EXTL3: variants seen among roughly 807,000 people sequenced by gnomAD.
EXTL3 encodes the protein exostosin like glycosyltransferase 3, also known as exostosin-like 3.
In EXTL3, 27 loss-of-function variants were observed where a neutral mutation model predicts 69.3. The ratio of observed to expected loss-of-function variants is 0.39; its 90% CI spans 0.29 to 0.54. The LOEUF (loss-of-function observed/expected upper bound fraction) is 0.54, where lower values mean the gene tolerates loss of function less well. Ranked by LOEUF, EXTL3 falls within the 20% of genes least tolerant of loss-of-function variation. The probability of loss-of-function intolerance (pLI) is 0.69; values close to 1 mark genes in which losing one functional copy is unlikely to be tolerated. For missense variants in EXTL3, 1,003 were observed against 1,231.8 expected, an observed-to-expected ratio of 0.81 and a Z score of 2.78; for synonymous variants, 511 against 499.4, an observed-to-expected ratio of 1.02 and a Z score of -0.31.
At chr8:28,637,618 C>G (rs1282253275) in intron 1 of EXTL3, among the ~76,000 whole-genome samples, 1 of 150,918 alleles carries the variant, frequency 6.6e-6, no homozygotes, top group East Asian at 2.0e-4. Flanking sequence ...GGCAACATAG[C>G]AAGACCCCAT....
chr8:28,697,101 G>A (rs752265402), upstream of EXTL3: 9 of 152,124 alleles, frequency 5.9e-5, no homozygotes, highest in Non-Finnish European at 1.0e-4. Context: ...TTCTTTTTAT[G>A]TGGTAACTTT....
At chr8:28,700,764 G>A (rs1800768673), upstream of EXTL3, 1 of 152,286 alleles carries the variant, frequency 6.6e-6, no homozygotes, top group Non-Finnish European at 1.5e-5. Context: ...GACCAGGTAG[G>A]GTGCTTGCTC....
rs1016009755 is a variant in EXTL3, at chr8:28,752,662, C to G, written c.*1796C>G. On this transcript the variant is annotated 3_prime_UTR_variant, in exon 7 of 7. Coordinates refer to ENST00000220562, the MANE Select transcript of EXTL3 (RefSeq NM_001440.4). ...CCCCGCCCCCAACCCCAGCATCAGC[C>G]TGTAGCTCCCCTGCTGAGGCAGTGT... 1 of 152,824 alleles carries G rather than the reference C, an allele frequency of 6.5e-6. No individual in the cohort carries two copies. The highest frequency in any genetic ancestry group is 6.5e-5 in the Admixed American group (1 of 15,290). 9.5% of individuals were successfully genotyped at this position (152,824 alleles called of 1,614,324 possible).
intron 3 of EXTL3, among the ~76,000 whole-genome samples, chr8:28,720,829 C>G (rs1468723621): frequency 1.3e-5 from 2 of 152,162 alleles, no homozygotes; most frequent in Non-Finnish European, 2.9e-5. Context: ...TGGATCAGGT[C>G]CCTTAGCTCC....
At chr8:28,738,811 T>C (rs1332508550) in intron 5 of EXTL3, among the ~76,000 whole-genome samples, 4 of 152,236 alleles carry the variant, frequency 2.6e-5, no homozygotes, top group Non-Finnish European at 4.4e-5. Context: ...TAAAGTCTCA[T>C]TTGCAGCTCC....
intron 2 of EXTL3, among the ~76,000 whole-genome samples, chr8:28,613,160 G>GT (rs922986059): frequency 2.7e-4 from 41 of 151,940 alleles, no homozygotes; most frequent in African/African-American, 8.9e-4. Context: ...GGATTATGCT[G>GT]TTTTTTTGGT....
chr8:28,667,012 G>A (rs1007995080), intron 1 of EXTL3, among the ~76,000 whole-genome samples: 1 of 152,214 alleles, frequency 6.6e-6, no homozygotes, highest in South Asian at 2.1e-4. Context: ...ACTTGAAGGT[G>A]TGGGAGCTTC....
At chr8:28,650,435 G>T (rs898682233) in intron 1 of EXTL3, among the ~76,000 whole-genome samples, 12 of 151,878 alleles carry the variant, frequency 7.9e-5, no homozygotes, top group Admixed American at 7.9e-4. Context: ...TCAGCTCACT[G>T]CAACCTCTGC....
At chr8:28,732,109 C>T (rs1425834550) in intron 4 of EXTL3, among the ~76,000 whole-genome samples, 1 of 152,122 alleles carries the variant, frequency 6.6e-6, no homozygotes, top group African/African-American at 2.4e-5. Flanking sequence ...TTGTCACACT[C>T]CCAACCTGCA....
Position 28,716,467 on chromosome 8 carries a change from C to G in EXTL3, c.408C>G (p.Ser136Arg). The G allele has an allele frequency of 1.2e-6, 2 of 1,613,842 alleles. No homozygotes were observed. Among genetic ancestry groups the G allele is most frequent in the Non-Finnish European group, 1.7e-6 (2 of 1,179,992 alleles). The change falls in exon 3 of 7, where the codon AGC (serine) becomes AGG (arginine). Residue 136 changes from serine to arginine, a missense_variant. Around this residue, in one of 2 missense-constraint regions of EXTL3, gnomAD observed 742 missense variants for 815.4 expected, o/e 0.91. Transcript: ENST00000220562. The surrounding 1 kb of genome is among the most constrained non-coding windows in gnomAD (Gnocchi z 7.1). Reference protein sequence around the residue: ...QDLLQLKNVISQTEHSYKELM... With the variant: ...QDLLQLKNVIRQTEHSYKELM... ...TGCTCCAGCTCAAGAATGTCATCAG[C>G]CAGACCGAGCATTCCTACAAGGAGC...
Position 28,739,261 on chromosome 8 carries a change from A to G in EXTL3, c.2421+1598A>G, listed in dbSNP as rs149434910. ...CCTTGAAGTCTTTTCTCCCTTACAT[A>G]TCTCCCATCTCAGATGGTGGCATCT... is the stretch of plus-strand genomic sequence containing the variant. On this transcript the variant is annotated intron_variant, in intron 5 of 6. Coordinates refer to ENST00000220562, the MANE Select transcript of EXTL3 (RefSeq NM_001440.4). Among the ~76,000 whole-genome samples the G allele has an allele frequency of 6.2e-3, 950 of 152,206 alleles. 6 individuals carry two copies. Among genetic ancestry groups the G allele is most frequent in the African/African-American group, 0.021 (893 of 41,538 alleles).
intron 1 of EXTL3, among the ~76,000 whole-genome samples, chr8:28,629,738 CAGA>C (rs1418816700): frequency 1.3e-5 from 2 of 152,064 alleles, no homozygotes; most frequent in African/African-American, 4.8e-5. Context: ...CTCTAAGATG[CAGA>C]AGGACTGGAA....
chr8:28,656,331 C>T (rs555986451), intron 1 of EXTL3, among the ~76,000 whole-genome samples: 12 of 152,118 alleles, frequency 7.9e-5, no homozygotes, highest in Admixed American at 3.9e-4. Context: ...CCACCACACC[C>T]GGCTAATTTT....
intron 2 of EXTL3, among the ~76,000 whole-genome samples, chr8:28,613,695 C>G (rs141790903): frequency 1.3e-5 from 2 of 152,128 alleles, no homozygotes; most frequent in African/African-American, 4.8e-5. Context: ...ATCTACTTCT[C>G]CTTATGTGAG....
intron 1 of EXTL3, among the ~76,000 whole-genome samples, chr8:28,676,744 C>T (rs1807389240): frequency 6.6e-6 from 1 of 152,122 alleles, no homozygotes; most frequent in Admixed American, 6.5e-5. Flanking sequence ...CTTAAAGGGA[C>T]AGAGGAAGAT....
chr8:28,615,456 T>G (rs9644143), intron 2 of EXTL3, among the ~76,000 whole-genome samples: 45,228 of 152,180 alleles, frequency 0.3, 6,956 homozygotes, highest in African/African-American at 0.36. Context: ...ATTGAGTATT[T>G]TGATGTCTTC....
chr8:28,664,967 G>A (rs528204123), intron 1 of EXTL3, among the ~76,000 whole-genome samples: 1 of 151,278 alleles, frequency 6.6e-6, no homozygotes, highest in South Asian at 2.1e-4. Flanking sequence ...CCTATGAAAG[G>A]AATATTGGAC....
intron 1 of EXTL3, among the ~76,000 whole-genome samples, chr8:28,679,221 G>C (rs1807439186): frequency 6.6e-6 from 1 of 152,216 alleles, no homozygotes; most frequent in Non-Finnish European, 1.5e-5. Flanking sequence ...GCTGAGGCGG[G>C]CAGATCACGA....
At chr8:28,711,837 G>A (rs240947) in intron 1 of EXTL3, among the ~76,000 whole-genome samples, 36,611 of 152,082 alleles carry the variant, frequency 0.24, 4,655 homozygotes, top group East Asian at 0.33. Context: ...CACTAAAAAA[G>A]CACAGCTTCA....
Sources: allele counts gnomAD v4.1 joint callset (sites outside exome capture counted in the v4.1 genomes callset), GRCh38; gene constraint gnomAD v4.1.1; regional missense constraint gnomAD v4.1.1; non-coding constraint Gnocchi (gnomAD v3.1); transcripts MANE v1.5; gene names NCBI Gene and HGNC (gene_info 2026-07-23, HGNC 2026-07-21).